Variants in CMSS1 observed in about 807,000 individuals in gnomAD.
CMSS1 encodes protein CMSS1.
In CMSS1, 33 loss-of-function variants were observed where a neutral mutation model predicts 43.5. The observed-to-expected ratio is 0.76, with a 90% CI of 0.57 to 1.01. CMSS1 has a LOEUF of 1.01. Among genes scored for constraint, CMSS1 ranks in the 50% least tolerant of loss-of-function variants. The probability of loss-of-function intolerance (pLI) is 0.00; values close to 1 mark genes in which losing one functional copy is unlikely to be tolerated. For synonymous variants in CMSS1, 115 were observed against 117.2 expected (o/e 0.98, Z 0.12); for missense variants, 313 against 326.4 (o/e 0.96, Z 0.32).
chr3:99,871,504 T>G (rs899915997), intron 1 of CMSS1, among the ~76,000 whole-genome samples: 1 of 152,148 alleles, frequency 6.6e-6, no homozygotes, highest in African/African-American at 2.4e-5. Flanking sequence ...AATAAATCAT[T>G]AATGAGTAAT....
At position 99,930,198 on chromosome 3, in the gene CMSS1, C is replaced by T. The variant is rs6791426; in HGVS notation, c.64+112155C>T. On this transcript the variant is annotated intron_variant, in intron 1 of 9. Transcript: ENST00000421999. ...AACAAAACTATATCCCTTCATCCTT[C>T]TTGTAGTCTAATTACACAATTAATG... is the stretch of plus-strand genomic sequence containing the variant. Among the ~76,000 whole-genome samples, 687 of 152,300 alleles carry T rather than the reference C, an allele frequency of 4.5e-3. 7 individuals are homozygous for T. The highest frequency in any genetic ancestry group is 0.016 in the African/African-American group (674 of 41,570).
chr3:99,825,857 A>G (rs1942527965), intron 1 of CMSS1, among the ~76,000 whole-genome samples: 1 of 145,124 alleles, frequency 6.9e-6, no homozygotes, highest in African/African-American at 2.6e-5. Context: ...GGCACACTGC[A>G]ACCTCCGCCT....
At chr3:100,029,802 A>G (rs1006727850) in intron 1 of CMSS1, among the ~76,000 whole-genome samples, 1 of 152,186 alleles carries the variant, frequency 6.6e-6, no homozygotes, top group Admixed American at 6.5e-5. Flanking sequence ...TCACTACGCT[A>G]TATAGTGACC....
At chr3:100,064,911 C>T (rs1244224532) in intron 1 of CMSS1, among the ~76,000 whole-genome samples, 2 of 152,158 alleles carry the variant, frequency 1.3e-5, no homozygotes, top group Non-Finnish European at 2.9e-5. Context: ...GGGGGACTAA[C>T]AAACATGTAT....
chr3:99,854,574 G>A (rs1943862607), intron 1 of CMSS1, among the ~76,000 whole-genome samples: 1 of 152,126 alleles, frequency 6.6e-6, no homozygotes. Context: ...GTTGATATTT[G>A]GGGCCAGATA....
At chr3:99,893,532 T>G (rs1192727105) in intron 1 of CMSS1, among the ~76,000 whole-genome samples, 1 of 152,206 alleles carries the variant, frequency 6.6e-6, no homozygotes, top group African/African-American at 2.4e-5. Context: ...TTTATAGAAT[T>G]TGAAGTCTTC....
At chr3:100,120,936 G>T (rs544005421) in intron 1 of CMSS1, among the ~76,000 whole-genome samples, 1 of 152,204 alleles carries the variant, frequency 6.6e-6, no homozygotes, top group South Asian at 2.1e-4. Flanking sequence ...CAGCTGCCCC[G>T]TGCCTTAAGG....
rs76688742 is a variant in CMSS1, at chr3:99,981,267, T to C, written c.64+163224T>C. On this transcript the variant is annotated intron_variant, in intron 1 of 9. Transcript: ENST00000421999. ...CCCAATGCTAAACTTGTCCCTGGCC[T>C]CCTGGCAAACTCCTACTTAATCCTC... Among the ~76,000 whole-genome samples the C allele has an allele frequency of 4.6e-3, 705 of 152,278 alleles. 10 individuals are homozygous for C. Among genetic ancestry groups the C allele is most frequent in the African/African-American group, 0.016 (646 of 41,578 alleles).
chr3:99,904,580 T>C (rs1185294820), intron 1 of CMSS1, among the ~76,000 whole-genome samples: 1 of 152,244 alleles, frequency 6.6e-6, no homozygotes, highest in Non-Finnish European at 1.5e-5. Flanking sequence ...ATAGTAAGCC[T>C]TGAGGTTTCC....
chr3:100,015,505 A>T (rs1463559042), intron 1 of CMSS1, among the ~76,000 whole-genome samples: 1 of 152,182 alleles, frequency 6.6e-6, no homozygotes, highest in Non-Finnish European at 1.5e-5. Flanking sequence ...TCATTTTTCT[A>T]ATTCATGAAC....
chr3:100,162,894 G>C (rs149865644), intron 4 of CMSS1, among the ~76,000 whole-genome samples: 197 of 152,230 alleles, frequency 1.3e-3, no homozygotes, highest in Non-Finnish European at 2.4e-3. Flanking sequence ...AGAATCACTT[G>C]AATCTGGGAG....
rs570555872 is a variant in CMSS1, at chr3:99,930,760, C to G, written c.64+112717C>G. The G allele has an allele frequency of 2.4e-5, 39 of 1,612,628 alleles. No individual in the cohort carries two copies. The African/African-American group carries it at 5.2e-4, about 22-fold the overall frequency. ...GAAGCATGATGGGGATAACTCCAAC[C>G]CAGCTGACCTGCAGTTCTCCCTCCA... On this transcript the variant is annotated intron_variant, in intron 1 of 9. Coordinates refer to ENST00000421999, the MANE Select transcript of CMSS1 (RefSeq NM_032359.4).
chr3:100,118,523 A>G (rs950396844), intron 1 of CMSS1, among the ~76,000 whole-genome samples: 1 of 152,268 alleles, frequency 6.6e-6, no homozygotes, highest in Admixed American at 6.5e-5. Context: ...GAAACTAGCC[A>G]TTTGTTGTTT....
chr3:100,059,717 G>C (rs1215244661), intron 1 of CMSS1, among the ~76,000 whole-genome samples: 4 of 152,156 alleles, frequency 2.6e-5, no homozygotes. Flanking sequence ...CACAACTCCA[G>C]CTGACTGGAA....
At chr3:99,970,338 A>G (rs1708776472) in intron 1 of CMSS1, among the ~76,000 whole-genome samples, 1 of 152,232 alleles carries the variant, frequency 6.6e-6, no homozygotes, top group South Asian at 2.1e-4. Context: ...ACTGCCCTTC[A>G]GGCCTTCTGG....
Position 100,105,910 on chromosome 3 carries a change from T to C in CMSS1, c.65-41063T>C, listed in dbSNP as rs201114253. Among the ~76,000 whole-genome samples, 4 of 152,318 alleles carry C rather than the reference T, an allele frequency of 2.6e-5. No homozygotes were observed. The East Asian group carries it at 7.7e-4, about 29-fold the overall frequency. On this transcript the variant is annotated intron_variant, in intron 1 of 9. Coordinates refer to ENST00000421999, the MANE Select transcript of CMSS1 (RefSeq NM_032359.4). ...AAACTTTTTTTTAATCAATGAGCTT[T>C]CTTTTCTCACTTCAAACTTAGAAAC... is the stretch of plus-strand genomic sequence containing the variant.
chr3:100,039,852 C>G (rs2065173828), intron 1 of CMSS1: 1 of 151,554 alleles, frequency 6.6e-6, no homozygotes, highest in African/African-American at 2.4e-5. Context: ...CTCCCAGGTT[C>G]ACACCATTCT....
intron 1 of CMSS1, among the ~76,000 whole-genome samples, chr3:99,892,078 T>G (rs1469382995): frequency 1.3e-5 from 2 of 152,216 alleles, no homozygotes; most frequent in Non-Finnish European, 2.9e-5. Context: ...TCTAAGAGCT[T>G]CTGCTATGCT....
At chr3:99,938,809 G>C (rs1707770459) in intron 1 of CMSS1, among the ~76,000 whole-genome samples, 1 of 151,674 alleles carries the variant, frequency 6.6e-6, no homozygotes, top group South Asian at 2.1e-4. Context: ...AAAAAATCCT[G>C]TTGGGTATTT....
Sources: gnomAD v4.1 joint callset for allele counts (sites outside exome capture counted in the v4.1 genomes callset) on GRCh38, gnomAD v4.1.1 for gene constraint, MANE v1.5 for transcripts, NCBI Gene and HGNC (gene_info 2026-07-23, HGNC 2026-07-21) for gene names.